The following FLNC variants were observed in gnomAD, a reference collection of about 807,000 sequenced individuals.
FLNC encodes the protein filamin-C.
In FLNC, 91 loss-of-function variants were observed where a neutral mutation model predicts 254.3. The observed-to-expected ratio is 0.36, with a 90% CI of 0.30 to 0.43. FLNC has a LOEUF of 0.43. Among genes scored for constraint, FLNC ranks in the 20% least tolerant of loss-of-function variants. The pLI, the probability that FLNC is intolerant of heterozygous loss-of-function variation, is 1.00. For missense variants in FLNC, 2,853 were observed against 3,802.6 expected (o/e 0.75, Z 6.57); for synonymous variants, 1,430 against 1,577.2 (o/e 0.91, Z 2.21).
Position 128,854,177 on chromosome 7 carries a change from C to G in FLNC, c.6688C>G (p.Arg2230Gly). 1 of 1,609,242 alleles carries G rather than the reference C, an allele frequency of 6.2e-7. No homozygotes were observed. The highest frequency in any genetic ancestry group is 8.5e-7 in the Non-Finnish European group (1 of 1,178,038). Reference protein sequence around the residue: ...AVFGDFLGRERLGSFGSITRQ... With the variant: ...AVFGDFLGREGLGSFGSITRQ... ...GTTTGGGGACTTCCTGGGCCGGGAG[C>G]GCCTGGGATCCTTCGGCAGCATCAC... Residue 2230 changes from arginine (R) to glycine (G), a missense_variant, in exon 40 of 48, where the codon CGC becomes GGC. Around this residue, in one of 10 missense-constraint regions of FLNC, gnomAD observed 551 missense variants for 835.0 expected, o/e 0.66. Coordinates refer to ENST00000325888, the MANE Select transcript of FLNC (RefSeq NM_001458.5).
chr7:128,830,998 C>T lies in FLNC; in HGVS notation c.352+9C>T, dbSNP rs749553028. On this transcript the variant is annotated intron_variant, in intron 1 of 47. Coordinates refer to ENST00000325888, the MANE Select transcript of FLNC (RefSeq NM_001458.5). ...CAAGCTCGTGTCCATAGGTCAGTGC[C>T]GGGGGCGAGGGCACGGGCGCTGCGG... 5 of 1,603,676 alleles carry T rather than the reference C, an allele frequency of 3.1e-6. No homozygotes were observed. The Admixed American group carries it at 6.7e-5, about 21-fold the overall frequency.
chr7:128,842,141 T>A lies in FLNC; in HGVS notation c.2122-90T>A. 1 of 1,326,334 alleles carries A rather than the reference T, an allele frequency of 7.5e-7. No homozygotes were observed. Among genetic ancestry groups the A allele is most frequent in the Non-Finnish European group, 1.0e-6 (1 of 959,366 alleles). The allele number at this position is 1,326,334 out of a possible 1,614,324, so 82.2% of individuals were successfully genotyped here. A position where few individuals can be genotyped will look rare whatever the true frequency, so the allele number is the denominator to read the frequency against. On this transcript the variant is annotated intron_variant, in intron 13 of 47. Transcript: ENST00000325888. The surrounding 1 kb of genome is among the most constrained non-coding windows in gnomAD (Gnocchi z 5.4). ...GGGGCGGGAGTGCCAGTGTTGGGGG[T>A]GGGAAAGGAGGCGCTGGGTTCACCT...
rs550472641 is a variant in FLNC, at chr7:128,841,119, G to T, written c.1814-51G>T. 1.9e-6 allele frequency: 3 copies of T among 1,602,904 alleles called. No homozygotes were observed. In the East Asian group the frequency reaches 6.7e-5, roughly 36 times the overall value. Reference sequence around the variant, plus strand: ...GCAGCTAGAGGGGAGCTGGGGGACGGAAGGGTCTTGCCTGATGCTGGATCC... The same window carrying T: ...GCAGCTAGAGGGGAGCTGGGGGACGTAAGGGTCTTGCCTGATGCTGGATCC... On this transcript the variant is annotated intron_variant, in intron 11 of 47. Transcript: ENST00000325888. The surrounding 1 kb of genome is among the most constrained non-coding windows in gnomAD (Gnocchi z 4.3).
chr7:128,832,675 G>C (rs191301768), intron 1 of FLNC, among the ~76,000 whole-genome samples: 13 of 152,370 alleles, frequency 8.5e-5, no homozygotes, highest in Admixed American at 1.3e-4. Flanking sequence ...AAGCTGGTTT[G>C]AGGGTGGGAG....
At position 128,830,555 on chromosome 7, in the gene FLNC, G is replaced by A. The variant is rs1454148539; in HGVS notation, c.-83G>A. The A allele has an allele frequency of 8.7e-7, 1 of 1,150,102 alleles. No individual in the cohort carries two copies. Among genetic ancestry groups the A allele is most frequent in the East Asian group, 2.5e-5 (1 of 39,812 alleles). 71.2% of individuals were successfully genotyped at this position (1,150,102 alleles called of 1,614,324 possible). A position where few individuals can be genotyped will look rare whatever the true frequency, so the allele number is the denominator to read the frequency against. Reference sequence around the variant, plus strand: ...AGCAGCGCAGCGCAGCGAGTCCCGTGGTCGCGCCCCAACAGCGCCCGACAG... The same window carrying A: ...AGCAGCGCAGCGCAGCGAGTCCCGTAGTCGCGCCCCAACAGCGCCCGACAG... On this transcript the variant is annotated 5_prime_UTR_variant, in exon 1 of 48. Transcript: ENST00000325888.
chr7:128,852,198 T>C (rs1282792978), intron 35 of FLNC, among the ~76,000 whole-genome samples: 1 of 152,124 alleles, frequency 6.6e-6, no homozygotes, highest in Non-Finnish European at 1.5e-5. Context: ...GCACGGATAA[T>C]CCTTTTGATA....
At position 128,842,225 on chromosome 7, in the gene FLNC, C is replaced by T; in HGVS notation, c.2122-6C>T. The stretch of plus-strand genomic sequence containing the variant: ...GCTATGAACTTTGCTTGGGTGATGC[C>T]CACAGGACGCCGACGGCTGTCCCAT... On this transcript the variant is annotated splice_polypyrimidine_tract_variant and splice_region_variant and intron_variant, in intron 13 of 47. Coordinates refer to ENST00000325888, the MANE Select transcript of FLNC (RefSeq NM_001458.5). This position sits in a 1 kb window ranked among gnomAD's most constrained non-coding sequence, Gnocchi z 5.4. The T allele has an allele frequency of 6.2e-7, 1 of 1,613,526 alleles. No homozygotes were observed. Among genetic ancestry groups the T allele is most frequent in the Non-Finnish European group, 8.5e-7 (1 of 1,179,942 alleles).
intron 24 of FLNC, among the ~76,000 whole-genome samples, chr7:128,847,435 T>A (rs1343586250): frequency 6.6e-6 from 1 of 152,260 alleles, no homozygotes; most frequent in African/African-American, 2.4e-5. Context: ...AACATTTTAT[T>A]TTCACATTTT....
rs1005014431 is a variant in FLNC, at chr7:128,857,036, A to C, written c.7562-82A>C. The C allele has an allele frequency of 2.5e-5, 40 of 1,569,296 alleles. No homozygotes were observed. In the African/African-American group the frequency reaches 5.3e-4, roughly 21 times the overall value. ...CTTCCTAAGCCAGGAGTCCCCACAG[A>C]GGCTGTCCAGGGAGCTGGGGCCCAG... is the stretch of plus-strand genomic sequence containing the variant. On this transcript the variant is annotated intron_variant, in intron 45 of 47. Transcript: ENST00000325888. The surrounding 1 kb of genome is among the most constrained non-coding windows in gnomAD (Gnocchi z 4.5).
At position 128,834,107 on chromosome 7, in the gene FLNC, C is replaced by T. The variant is rs532952550; in HGVS notation, c.353-1219C>T. Among the ~76,000 whole-genome samples, 3 of 152,238 alleles carry T rather than the reference C, an allele frequency of 2.0e-5. No homozygotes were observed. In the South Asian group the frequency reaches 6.2e-4, roughly 32 times the overall value. On this transcript the variant is annotated intron_variant, in intron 1 of 47. Transcript: ENST00000325888. ...GTGTAAGGGGAAGGCTCCACTCCACCCTCTCCCATCTCTCGGGCAACATCA... is the reference window on the plus strand; with the variant it reads ...GTGTAAGGGGAAGGCTCCACTCCACTCTCTCCCATCTCTCGGGCAACATCA...
chr7:128,843,784 T>C lies in FLNC; in HGVS notation c.2812-12T>C. ...CTTATATCCAGTTCTGACCTACCAT[T>C]GTACCCAACAGGGCAACATGGCAGT... On this transcript the variant is annotated splice_polypyrimidine_tract_variant and intron_variant, in intron 18 of 47. Transcript: ENST00000325888. The C allele has an allele frequency of 6.2e-7, 1 of 1,611,308 alleles. No individual in the cohort carries two copies. Among genetic ancestry groups the C allele is most frequent in the Non-Finnish European group, 8.5e-7 (1 of 1,177,544 alleles).
chr7:128,840,251 A>C (rs1217550575), intron 9 of FLNC, 91 bp downstream of exon 9: 1 of 1,486,686 alleles, frequency 6.7e-7, no homozygotes, highest in Non-Finnish European at 9.3e-7. Flanking sequence ...GGGCAGTGAC[A>C]GCCAGCACCA....
Position 128,830,616 on chromosome 7 carries a change from C to G in FLNC, c.-22C>G, listed in dbSNP as rs778841586. 1.9e-6 allele frequency: 3 copies of G among 1,609,366 alleles called. No individual in the cohort carries two copies. The highest frequency in any genetic ancestry group is 2.5e-6 in the Non-Finnish European group (3 of 1,177,988). On this transcript the variant is annotated 5_prime_UTR_variant, in exon 1 of 48. Transcript: ENST00000325888. ...CCCAAACCGCGGCCCTAGCCCCGGC[C>G]GCACCCCCAGCCCGCGCCAGCATGA...
Position 128,841,061 on chromosome 7 carries a change from G to T in FLNC, c.1813+91G>T. On this transcript the variant is annotated intron_variant, in intron 11 of 47. Coordinates refer to ENST00000325888, the MANE Select transcript of FLNC (RefSeq NM_001458.5). The surrounding 1 kb of genome is among the most constrained non-coding windows in gnomAD (Gnocchi z 4.3). ...ATGGGTGCAGTGCGCATGCTGGGGAGCGCTGGGGTGAGCAGGGAGATAGGA... is the reference window on the plus strand; with the variant it reads ...ATGGGTGCAGTGCGCATGCTGGGGATCGCTGGGGTGAGCAGGGAGATAGGA... The T allele has an allele frequency of 6.4e-7, 1 of 1,567,640 alleles. No individual in the cohort carries two copies. The highest frequency in any genetic ancestry group is 8.7e-7 in the Non-Finnish European group (1 of 1,147,224).
rs1463113893 is a variant in FLNC at position 128,845,175 on chromosome 7, A to G, written c.3710A>G (p.Lys1237Arg). 6.2e-7 allele frequency: 1 copy of G among 1,613,928 alleles called. No homozygotes were observed. The highest frequency in any genetic ancestry group is 8.5e-7 in the Non-Finnish European group (1 of 1,180,040). Reference sequence around the variant, plus strand: ...AAGTATGGCGGGCATCCCGTGCCCAAATTCCCCACCCGTGTCCATGTGCAG... The same window carrying G: ...AAGTATGGCGGGCATCCCGTGCCCAGATTCCCCACCCGTGTCCATGTGCAG... The part of the protein sequence containing the change: ...TIKYGGHPVP[K>R]FPTRVHVQPA... The change falls in exon 21 of 48, where the codon AAA becomes AGA. Residue 1237 changes from lysine to arginine, a missense_variant. Coordinates refer to ENST00000325888, the MANE Select transcript of FLNC (RefSeq NM_001458.5).
rs1808979983 is a variant in FLNC, at chr7:128,854,688, G to A, written c.6997+6G>A. ...AGGTGTGGCCGGCGTGCCAGGTAAG[G>A]GGCAGGTGGCCAGGAGTGGGGATGA... On this transcript the variant is annotated splice_donor_region_variant and intron_variant, in intron 41 of 47. Transcript: ENST00000325888. The A allele has an allele frequency of 6.2e-7, 1 of 1,612,622 alleles. No individual in the cohort carries two copies. The highest frequency in any genetic ancestry group is 8.5e-7 in the Non-Finnish European group (1 of 1,179,398).
At chr7:128,847,500 G>A (rs1808612099) in intron 24 of FLNC, among the ~76,000 whole-genome samples, 197 bp from the exon 25 acceptor site, 1 of 152,228 alleles carries the variant, frequency 6.6e-6, no homozygotes. Context: ...AGTGAGGTTT[G>A]CCCAGCCTCA....
At position 128,830,838 on chromosome 7, in the gene FLNC, G is replaced by A; in HGVS notation, c.201G>A (p.Gly67=). ...ACCTGCAGCGCGACCTCAGCGACGG[G>A]CTCCGGCTCATCGCGCTGCTCGAGG... The part of the protein sequence containing the change: ...LTDLQRDLSD[G]LRLIALLEVL... The change falls in exon 1 of 48, where the codon GGG becomes GGA. Residue 67 remains glycine (G), a synonymous_variant. Transcript: ENST00000325888. The A allele has an allele frequency of 6.2e-7, 1 of 1,613,084 alleles. No individual in the cohort carries two copies. The highest frequency in any genetic ancestry group is 8.5e-7 in the Non-Finnish European group (1 of 1,179,960).
At position 128,838,745 on chromosome 7, in the gene FLNC, T is replaced by C. The variant is rs1181457724; in HGVS notation, c.1353T>C (p.His451=). Residue 451 remains histidine (H), a synonymous_variant, in exon 8 of 48, where the codon CAT becomes CAC. Transcript: ENST00000325888. ...RPAMEGPHTV[H]VAFAGAPITR... ...CCATGGAGGGGCCACATACCGTGCATGTGGCCTTTGCGGGTGCCCCCATCA... is the reference window on the plus strand; with the variant it reads ...CCATGGAGGGGCCACATACCGTGCACGTGGCCTTTGCGGGTGCCCCCATCA... The C allele has an allele frequency of 3.1e-6, 5 of 1,612,940 alleles. No individual in the cohort carries two copies. In the Admixed American group the frequency reaches 5.0e-5, roughly 16 times the overall value.
Sources: gnomAD v4.1 joint callset for allele counts (sites outside exome capture counted in the v4.1 genomes callset) on GRCh38, gnomAD v4.1.1 for gene constraint, gnomAD v4.1.1 regional missense constraint, Gnocchi (gnomAD v3.1) non-coding constraint, MANE v1.5 for transcripts, NCBI Gene and HGNC (gene_info 2026-07-23, HGNC 2026-07-21) for gene names.